Variants in ANKRD30A observed in about 807,000 individuals in gnomAD.
ANKRD30A encodes the protein ankyrin repeat domain-containing protein 30A.
In ANKRD30A, 170 loss-of-function variants were observed where a neutral mutation model predicts 166.3. The observed-to-expected ratio is 1.02, with a 90% confidence interval of 0.90 to 1.16. The LOEUF is 1.16. Ranked by LOEUF, ANKRD30A falls within the 50% of genes most tolerant of loss-of-function variation. ANKRD30A has a pLI of 0.00. For synonymous variants in ANKRD30A, 564 were observed against 508.9 expected (o/e 1.11, Z -1.46); for missense variants, 1,630 against 1,518.0 (o/e 1.07, Z -1.23).
the ANKRD30A span, among the ~76,000 whole-genome samples, chr10:37,259,934 C>A: frequency 6.6e-6 from 1 of 151,912 alleles, no homozygotes; most frequent in African/African-American, 2.4e-5. Flanking sequence ...TGAGCTGTAA[C>A]TAAATATACA....
Position 37,141,804 on chromosome 10 carries a change from C to T in ANKRD30A, c.907C>T (p.Pro303Ser), listed in dbSNP as rs1392852762. ...DTAESLVEKT[P>S]DEAAPLVERT... ...AGCTGAAAGCTTGGTGGAAAAAACACCTGATGAGGCTGCACCCTTGGTGGA... is the reference window on the plus strand; with the variant it reads ...AGCTGAAAGCTTGGTGGAAAAAACATCTGATGAGGCTGCACCCTTGGTGGA... The change falls in exon 7 of 36, where the codon CCT becomes TCT. Residue 303 changes from proline to serine, a missense_variant. By Grantham distance (74) the Pro-to-Ser change is moderately conservative. Coordinates refer to ENST00000361713, the MANE Select transcript of ANKRD30A (RefSeq NM_052997.3). The T allele has an allele frequency of 1.9e-6, 3 of 1,613,164 alleles. No individual in the cohort carries two copies. Among genetic ancestry groups the T allele is most frequent in the Admixed American group, 1.7e-5 (1 of 59,958 alleles).
At chr10:37,226,611 G>A (rs1418789575) in intron 34 of ANKRD30A, among the ~76,000 whole-genome samples, 1 of 151,680 alleles carries the variant, frequency 6.6e-6, no homozygotes, top group Non-Finnish European at 1.5e-5. Context: ...AGATCTTTAG[G>A]TTGTTTCCAT....
chr10:37,147,493 CAT>C (rs745610538), intron 9 of ANKRD30A, 36 bp downstream of exon 9: 233 of 1,410,100 alleles, frequency 1.7e-4, no homozygotes, highest in Non-Finnish European at 2.0e-4. Flanking sequence ...GTCTTTTAAC[CAT>C]ATGTTTGTCT....
At chr10:37,146,873 C>G (rs373741875) in intron 8 of ANKRD30A, among the ~76,000 whole-genome samples, 4 of 152,290 alleles carry the variant, frequency 2.6e-5, no homozygotes, top group South Asian at 4.1e-4. Context: ...AGGTAAAGAT[C>G]AGGTTGCCTT....
At chr10:37,162,596 G>T (rs1839007578) in intron 15 of ANKRD30A, 53 bp from the exon 16 acceptor site, 1 of 1,603,426 alleles carries the variant, frequency 6.2e-7, no homozygotes, top group Non-Finnish European at 8.5e-7. Flanking sequence ...TTCATTTGTG[G>T]TTGGCTTGTC....
intron 15 of ANKRD30A, among the ~76,000 whole-genome samples, chr10:37,159,669 TCTA>T (rs1838689867): frequency 6.6e-6 from 1 of 152,166 alleles, no homozygotes; most frequent in Admixed American, 6.6e-5. Context: ...TAAATTTTCT[TCTA>T]TTTTTGTTTG....
intron 9 of ANKRD30A, among the ~76,000 whole-genome samples, chr10:37,148,435 A>C (rs1837669945): frequency 6.6e-6 from 1 of 152,114 alleles, no homozygotes. Context: ...TGTTGGATGG[A>C]AAAAATCAGT....
chr10:37,196,022 T>G (rs1255140664), intron 27 of ANKRD30A, among the ~76,000 whole-genome samples: 1 of 151,596 alleles, frequency 6.6e-6, no homozygotes, highest in Admixed American at 6.6e-5. Flanking sequence ...AAGGAAGTGT[T>G]GAACAAATAA....
chr10:37,199,274 A>G (rs928675208), intron 29 of ANKRD30A, among the ~76,000 whole-genome samples: 16 of 152,228 alleles, frequency 1.1e-4, no homozygotes, highest in East Asian at 9.6e-4. Context: ...TAATATTCCT[A>G]AAAAATCTTA....
the ANKRD30A span, among the ~76,000 whole-genome samples, chr10:37,260,944 A>G: frequency 1.8e-4 from 28 of 152,298 alleles, no homozygotes; most frequent in Non-Finnish European, 3.7e-4. Context: ...ATTGTGTGCT[A>G]TGCTCACTAC....
At chr10:37,251,169 A>ATACAAT in the ANKRD30A span, among the ~76,000 whole-genome samples, 1 of 152,202 alleles carries the variant, frequency 6.6e-6, no homozygotes, top group South Asian at 2.1e-4. Context: ...ACAATCTGGC[A>ATACAAT]AGAGTAGGGG....
intron 34 of ANKRD30A, among the ~76,000 whole-genome samples, chr10:37,223,441 C>T (rs922221345): frequency 6.6e-6 from 1 of 151,282 alleles, no homozygotes; most frequent in Non-Finnish European, 1.5e-5. Context: ...AATTATCTTA[C>T]TTAGATCTGA....
rs531155179 is a variant in ANKRD30A at position 37,195,933 on chromosome 10, G to A, written c.2615-1348G>A. Reference sequence around the variant, plus strand: ...TGCATTATATTGCTTTTATTTCTGGGTATGCTTTTAGCCAGAGAAGAAGAA... The same window carrying A: ...TGCATTATATTGCTTTTATTTCTGGATATGCTTTTAGCCAGAGAAGAAGAA... On this transcript the variant is annotated intron_variant, in intron 27 of 35. Transcript: ENST00000361713. 7.2e-5 allele frequency among the ~76,000 whole-genome samples: 11 copies of A among 152,124 alleles called. No homozygotes were observed. The East Asian group carries it at 2.1e-3, about 29-fold the overall frequency.
At chr10:37,236,088 C>T (rs1843663752), downstream of ANKRD30A, among the ~76,000 whole-genome samples, 1 of 152,030 alleles carries the variant, frequency 6.6e-6, no homozygotes, top group African/African-American at 2.4e-5. Flanking sequence ...TTCTTCCAGC[C>T]CTTCCTATTG....
chr10:37,251,819 T>C, the ANKRD30A span, among the ~76,000 whole-genome samples: 1 of 152,228 alleles, frequency 6.6e-6, no homozygotes, highest in Admixed American at 6.5e-5. Context: ...AGTGCTCCTT[T>C]GATGATGGAG....
At chr10:37,190,849 T>C (rs1313129085) in intron 25 of ANKRD30A, among the ~76,000 whole-genome samples, 3 of 151,924 alleles carry the variant, frequency 2.0e-5, no homozygotes, top group African/African-American at 7.3e-5. Context: ...TATGTATGTA[T>C]GTATGTTTTT....
At chr10:37,149,917 T>C in intron 11 of ANKRD30A, 68 bp downstream of exon 11, 1 of 1,582,772 alleles carries the variant, frequency 6.3e-7, no homozygotes, top group Non-Finnish European at 8.6e-7. Context: ...GGTCTTTCTA[T>C]CCCCAATGCT....
intron 6 of ANKRD30A, among the ~76,000 whole-genome samples, chr10:37,137,588 G>A (rs1463998505): frequency 2.0e-5 from 3 of 152,180 alleles, no homozygotes; most frequent in Admixed American, 1.3e-4. Context: ...TCCCGAGCAT[G>A]GCTCAGAGGG....
At chr10:37,255,153 T>C in the ANKRD30A span, among the ~76,000 whole-genome samples, 1 of 152,146 alleles carries the variant, frequency 6.6e-6, no homozygotes, top group African/African-American at 2.4e-5. Flanking sequence ...AGTTTTATAG[T>C]TTTGCAACTC....
Sources: gnomAD v4.1 joint callset for allele counts (sites outside exome capture counted in the v4.1 genomes callset) on GRCh38, gnomAD v4.1.1 for gene constraint, MANE v1.5 for transcripts, NCBI Gene and HGNC (gene_info 2026-07-23, HGNC 2026-07-21) for gene names.